Variants in EPHA5 observed in about 807,000 individuals in gnomAD.
The protein encoded by EPHA5 is EPH receptor A5.
A neutral mutation model predicts 105.0 loss-of-function variants in EPHA5; 60 were observed. The observed-to-expected ratio is 0.57, with a 90% CI of 0.46 to 0.71. The LOEUF (loss-of-function observed/expected upper bound fraction) is 0.71. Among genes scored for constraint, EPHA5 ranks in the 30% least tolerant of loss-of-function variants. The pLI is 0.00. For synonymous variants in EPHA5, 513 were observed against 449.1 expected (o/e 1.14, Z -1.80); for missense variants, 1,218 against 1,274.7 (o/e 0.96, Z 0.68).
Position 65,374,688 on chromosome 4 carries a change from G to A in EPHA5, c.1794-7264C>T, listed in dbSNP as rs766288653. ...TGTATATGTATCATATTATATTAAG[G>A]TCAAAACTAACCACATATATATTCA... On this transcript the variant is annotated intron_variant, in intron 8 of 16. Coordinates refer to ENST00000613740, the MANE Select transcript of EPHA5 (RefSeq NM_001281766.3). 2.6e-5 allele frequency among the ~76,000 whole-genome samples: 4 copies of A among 151,838 alleles called. No homozygotes were observed. The Admixed American group carries it at 2.6e-4, about 10-fold the overall frequency.
rs115709250 is a variant in EPHA5, at chr4:65,383,458, T to C, written c.1794-16034A>G. On this transcript the variant is annotated intron_variant, in intron 8 of 16. Transcript: ENST00000613740. ...ATCACAATCACCACTGCTACCACCA[T>C]TATCACTTTCACTGCTACCAGTAAA... 2.3e-3 allele frequency among the ~76,000 whole-genome samples: 353 copies of C among 151,880 alleles called. 2 individuals are homozygous for C. The highest frequency in any genetic ancestry group is 8.1e-3 in the African/African-American group (337 of 41,482).
At chr4:65,522,588 C>T (rs182691170) in intron 3 of EPHA5, among the ~76,000 whole-genome samples, 252 of 151,968 alleles carry the variant, frequency 1.7e-3, no homozygotes, top group Non-Finnish European at 2.7e-3. Flanking sequence ...TATAGTGTCA[C>T]CCAGCTCATA....
intron 8 of EPHA5, among the ~76,000 whole-genome samples, chr4:65,374,699 C>T (rs947062930): frequency 6.6e-6 from 1 of 151,792 alleles, no homozygotes; most frequent in Non-Finnish European, 1.5e-5. Context: ...TCAAAACTAA[C>T]CACATATATA....
intron 13 of EPHA5, among the ~76,000 whole-genome samples, chr4:65,350,644 C>G (rs1455744479): frequency 6.6e-6 from 1 of 152,038 alleles, no homozygotes; most frequent in Non-Finnish European, 1.5e-5. Context: ...CATTACAGAT[C>G]ACCCATAACA....
chr4:65,669,643 C>T lies in EPHA5; in HGVS notation c.100G>A (p.Ala34Thr), dbSNP rs758755197. ...TPASLAGCYS[A>T]PRRAPLWTCL... Reference sequence around the variant, plus strand: ...GTCCAGAGGGGAGCCCGTCGAGGTGCAGAGTAGCAGCCGGCCAGGGACGCT... The same window carrying T: ...GTCCAGAGGGGAGCCCGTCGAGGTGTAGAGTAGCAGCCGGCCAGGGACGCT... Residue 34 changes from alanine to threonine, a missense_variant, in exon 1 of 17, where the codon GCA becomes ACA. Transcript: ENST00000613740. 11 of 1,399,942 alleles carry T rather than the reference C, an allele frequency of 7.9e-6. No homozygotes were observed. The African/African-American group carries it at 1.5e-4, about 19-fold the overall frequency. The allele number at this position is 1,399,942 out of a possible 1,614,324, so 86.7% of individuals were successfully genotyped here.
intron 1 of EPHA5, among the ~76,000 whole-genome samples, chr4:65,661,184 G>A (rs1251252815): frequency 6.6e-6 from 1 of 152,146 alleles, no homozygotes; most frequent in African/African-American, 2.4e-5. Context: ...GTAAGTGTTA[G>A]AGACTAGCAC....
At chr4:65,365,431 T>C (rs1010962295) in intron 10 of EPHA5, among the ~76,000 whole-genome samples, 2 of 150,958 alleles carry the variant, frequency 1.3e-5, no homozygotes, top group Non-Finnish European at 3.0e-5. Context: ...TAAAACACTA[T>C]AGGGGCTATT....
chr4:65,639,379 G>C (rs146893294), intron 2 of EPHA5, among the ~76,000 whole-genome samples: 2 of 152,254 alleles, frequency 1.3e-5, no homozygotes, highest in African/African-American at 4.8e-5. Context: ...TAGCTCCACA[G>C]TCTTTCTCTT....
chr4:65,324,064 G>T lies in EPHA5; in HGVS notation c.*50C>A. ...TTTTGTTAAAATAAATCTCAGTGCT[G>T]TTTACAAAGTGCAGAATCATTCACT... On this transcript the variant is annotated 3_prime_UTR_variant, in exon 17 of 17. Transcript: ENST00000613740. The T allele has an allele frequency of 8.0e-7, 1 of 1,244,374 alleles. No homozygotes were observed. The allele number at this position is 1,244,374 out of a possible 1,614,324, so 77.1% of individuals were successfully genotyped here.
intron 9 of EPHA5, among the ~76,000 whole-genome samples, chr4:65,366,350 C>T (rs181867372): frequency 3.3e-5 from 5 of 151,794 alleles, no homozygotes; most frequent in East Asian, 3.9e-4. Context: ...TGTTATTCAC[C>T]GAACTGGACA....
intron 8 of EPHA5, among the ~76,000 whole-genome samples, chr4:65,369,677 CA>C (rs1463748772): frequency 6.6e-6 from 1 of 151,924 alleles, no homozygotes; most frequent in Non-Finnish European, 1.5e-5. Context: ...GGAAAAAATA[CA>C]GTTATCTGGC....
At chr4:65,422,652 A>C (rs756324895) in intron 5 of EPHA5, among the ~76,000 whole-genome samples, 2 of 152,042 alleles carry the variant, frequency 1.3e-5, no homozygotes, top group African/African-American at 4.8e-5. Context: ...ATATGTGGAA[A>C]TATTCCAAAC....
intron 2 of EPHA5, 57 bp downstream of exon 2, chr4:65,643,306 G>T: frequency 7.6e-7 from 1 of 1,322,424 alleles, no homozygotes; most frequent in Non-Finnish European, 1.1e-6. Context: ...TGTGTTACAA[G>T]TATCAAGATG....
chr4:65,524,865 T>C (rs1735085553), intron 3 of EPHA5, among the ~76,000 whole-genome samples: 1 of 151,766 alleles, frequency 6.6e-6, no homozygotes, highest in Admixed American at 6.6e-5. Flanking sequence ...ATCTAGTAGT[T>C]GTTTCTACAA....
chr4:65,460,205 A>T (rs1432868803), intron 5 of EPHA5, among the ~76,000 whole-genome samples: 1 of 151,550 alleles, frequency 6.6e-6, no homozygotes, highest in Non-Finnish European at 1.5e-5. Flanking sequence ...TTAAATATAT[A>T]TAGGGAACAG....
intron 8 of EPHA5, among the ~76,000 whole-genome samples, chr4:65,388,662 GT>G (rs1242942249): frequency 7.4e-6 from 1 of 135,302 alleles, no homozygotes; most frequent in African/African-American, 2.8e-5. Context: ...TTTTGATGGG[GT>G]TGTTTTTTTC....
Position 65,590,611 on chromosome 4 carries a change from G to A in EPHA5, c.910+11030C>T, listed in dbSNP as rs145784762. Among the ~76,000 whole-genome samples, 258 of 152,084 alleles carry A rather than the reference G, an allele frequency of 1.7e-3. 1 individual carries two copies. Among genetic ancestry groups the A allele is most frequent in the Non-Finnish European group, 3.0e-3 (205 of 67,948 alleles). ...TAAAGGCAATAATTGTACAATTTCC[G>A]TAAAAGGCATACTTTTCTATGAGTA... On this transcript the variant is annotated intron_variant, in intron 3 of 16. Coordinates refer to ENST00000613740, the MANE Select transcript of EPHA5 (RefSeq NM_001281766.3).
intron 3 of EPHA5, among the ~76,000 whole-genome samples, chr4:65,601,012 G>A (rs1743668419): frequency 6.6e-6 from 1 of 152,002 alleles, no homozygotes; most frequent in South Asian, 2.1e-4. Flanking sequence ...CTTTTGTATT[G>A]GTTCTATCTT....
intron 3 of EPHA5, among the ~76,000 whole-genome samples, chr4:65,580,570 T>G (rs1741514780): frequency 6.6e-6 from 1 of 151,834 alleles, no homozygotes; most frequent in African/African-American, 2.4e-5. Flanking sequence ...GCATAAGGAT[T>G]ATTTTGTGCT....
Sources: gnomAD v4.1 joint callset for allele counts (sites outside exome capture counted in the v4.1 genomes callset) on GRCh38, gnomAD v4.1.1 for gene constraint, MANE v1.5 for transcripts, NCBI Gene and HGNC (gene_info 2026-07-23, HGNC 2026-07-21) for gene names.